PCDHGC3: variants seen among roughly 807,000 people sequenced by gnomAD.
The protein encoded by PCDHGC3 is protocadherin gamma-C3.
PCDHGC3 carries 26 observed loss-of-function variants against 59.2 expected under a neutral mutation model. That is an observed-to-expected ratio of 0.44 (90% CI 0.32 to 0.61). The LOEUF (loss-of-function observed/expected upper bound fraction) is 0.61. Ranked by LOEUF, PCDHGC3 falls within the 20% of genes least tolerant of loss-of-function variation. The pLI is 0.05. For synonymous variants in PCDHGC3, 487 were observed against 519.7 expected (o/e 0.94, Z 0.86); for missense variants, 1,080 against 1,221.8 (o/e 0.88, Z 1.73).
At chr5:141,482,235 T>C (rs2099554999) in intron 1 of PCDHGC3, among the ~76,000 whole-genome samples, 1 of 152,174 alleles carries the variant, frequency 6.6e-6, no homozygotes, top group Non-Finnish European at 1.5e-5. Context: ...AAATTGCCAA[T>C]ATAAGTATAG....
chr5:141,485,118 G>C lies in PCDHGC3; in HGVS notation c.2430+6572G>C, dbSNP rs547390669. 1 of 1,331,536 alleles carries C rather than the reference G, an allele frequency of 7.5e-7. No homozygotes were observed. Among genetic ancestry groups the C allele is most frequent in the East Asian group, 2.3e-5 (1 of 43,534 alleles). The allele number at this position is 1,331,536 out of a possible 1,614,324, so 82.5% of individuals were successfully genotyped here. On this transcript the variant is annotated intron_variant, in intron 1 of 3. Coordinates refer to ENST00000308177, the MANE Select transcript of PCDHGC3 (RefSeq NM_002588.4). The surrounding 1 kb of genome is among the most constrained non-coding windows in gnomAD (Gnocchi z 5.7). ...TCTCCAGCTGCTGTGGCTGTTTGGG[G>C]CGGGTCGGCTTCATCCGCGTCTCAG...
intron 2 of PCDHGC3, among the ~76,000 whole-genome samples, chr5:141,495,175 C>A (rs1337353259): frequency 6.6e-6 from 1 of 152,300 alleles, no homozygotes; most frequent in Middle Eastern, 3.4e-3. Flanking sequence ...TGGGTGAAAG[C>A]GAGGCTTTCT....
In PCDHGC3 at chr5:141,485,251, C is replaced by T. The variant is rs748522322; in HGVS notation, c.2430+6705C>T. 7 of 1,614,092 alleles carry T rather than the reference C, an allele frequency of 4.3e-6. No individual in the cohort carries two copies. In the South Asian group the frequency reaches 6.6e-5, roughly 15 times the overall value. On this transcript the variant is annotated intron_variant, in intron 1 of 3. Transcript: ENST00000308177. This position sits in a 1 kb window ranked among gnomAD's most constrained non-coding sequence, Gnocchi z 5.7. The stretch of plus-strand genomic sequence containing the variant: ...TGTTCCTCTTTTACCACCTGGGTTA[C>T]GTTTGTGGGCAGATCCGCTACCCGG...
At chr5:141,497,904 A>G (rs939422338) in intron 2 of PCDHGC3, among the ~76,000 whole-genome samples, 2 of 152,136 alleles carry the variant, frequency 1.3e-5, no homozygotes, top group African/African-American at 2.4e-5. Context: ...AGTAACTTCA[A>G]CTTCTCTCCT....
chr5:141,488,711 A>G (rs184498001), intron 1 of PCDHGC3, among the ~76,000 whole-genome samples: 100 of 152,290 alleles, frequency 6.6e-4, no homozygotes, highest in Non-Finnish European at 1.2e-3. Context: ...TGCTGGTTCA[A>G]GCAAAGTGGT....
At position 141,487,147 on chromosome 5, in the gene PCDHGC3, T is replaced by C; in HGVS notation, c.2431-7660T>C. 1 of 1,614,122 alleles carries C rather than the reference T, an allele frequency of 6.2e-7. No individual in the cohort carries two copies. Among genetic ancestry groups the C allele is most frequent in the Non-Finnish European group, 8.5e-7 (1 of 1,179,952 alleles). On this transcript the variant is annotated intron_variant, in intron 1 of 3. Transcript: ENST00000308177. This position sits in a 1 kb window ranked among gnomAD's most constrained non-coding sequence, Gnocchi z 5.0. ...GTGGTAGTCCACCACTCTCTACCTC[T>C]GTTACTCTCTTAGTGTCCTTAGAGG...
Position 141,486,657 on chromosome 5 carries a change from T to C in PCDHGC3, c.2430+8111T>C. Reference sequence around the variant, plus strand: ...AATGCGCTTATCTCCTACTCACTCCTGGAGCCCAGGAATCGAGATGTATCA... The same window carrying C: ...AATGCGCTTATCTCCTACTCACTCCCGGAGCCCAGGAATCGAGATGTATCA... On this transcript the variant is annotated intron_variant, in intron 1 of 3. Transcript: ENST00000308177. The surrounding 1 kb of genome is among the most constrained non-coding windows in gnomAD (Gnocchi z 5.0). The C allele has an allele frequency of 6.2e-7, 1 of 1,614,010 alleles. No individual in the cohort carries two copies. Among genetic ancestry groups the C allele is most frequent in the Non-Finnish European group, 8.5e-7 (1 of 1,180,030 alleles).
At chr5:141,484,876 A>C in intron 1 of PCDHGC3, 1 of 315,240 alleles carries the variant, frequency 3.2e-6, no homozygotes, top group Non-Finnish European at 5.8e-6. Flanking sequence ...CGTGGAGGAT[A>C]GGGTGGGCTT....
chr5:141,490,419 G>C lies in PCDHGC3; in HGVS notation c.2431-4388G>C. The C allele has an allele frequency of 6.2e-7, 1 of 1,614,170 alleles. No homozygotes were observed. Among genetic ancestry groups the C allele is most frequent in the Non-Finnish European group, 8.5e-7 (1 of 1,180,020 alleles). ...TGAGCCTTGATATCTCTCCGGACCT[G>C]CCATTTCAGATTAAGCCTTCTGAGA... On this transcript the variant is annotated intron_variant, in intron 1 of 3. Transcript: ENST00000308177. The surrounding 1 kb of genome is among the most constrained non-coding windows in gnomAD (Gnocchi z 5.4).
rs2099748976 is a variant in PCDHGC3, at chr5:141,493,566, C to G, written c.2431-1241C>G. Among the ~76,000 whole-genome samples, 1 of 152,168 alleles carries G rather than the reference C, an allele frequency of 6.6e-6. No individual in the cohort carries two copies. Among genetic ancestry groups the G allele is most frequent in the African/African-American group, 2.4e-5 (1 of 41,436 alleles). ...TTTTGGAGATTGAGTTCCCCCAGCT[C>G]CGTTTCCTCCTATCACAATCACTGC... is the stretch of plus-strand genomic sequence containing the variant. On this transcript the variant is annotated intron_variant, in intron 1 of 3. Transcript: ENST00000308177. The surrounding 1 kb of genome is among the most constrained non-coding windows in gnomAD (Gnocchi z 4.3).
At chr5:141,484,120 C>A (rs1158603108) in intron 1 of PCDHGC3, among the ~76,000 whole-genome samples, 1 of 152,146 alleles carries the variant, frequency 6.6e-6, no homozygotes, top group African/African-American at 2.4e-5. Flanking sequence ...ATCAAGAATA[C>A]CTTGGTGTCA....
chr5:141,491,247 G>A lies in PCDHGC3; in HGVS notation c.2431-3560G>A, dbSNP rs1356752106. ...CAGTGCTGCTGGTTCTGGAGGATGA[G>A]GACCCTGAGGAAATGCCCAAATCCA... On this transcript the variant is annotated intron_variant, in intron 1 of 3. Coordinates refer to ENST00000308177, the MANE Select transcript of PCDHGC3 (RefSeq NM_002588.4). The surrounding 1 kb of genome is among the most constrained non-coding windows in gnomAD (Gnocchi z 6.9). The A allele has an allele frequency of 3.2e-5, 51 of 1,614,192 alleles. No individual in the cohort carries two copies. The highest frequency in any genetic ancestry group is 4.3e-5 in the Non-Finnish European group (51 of 1,180,018).
In PCDHGC3 at chr5:141,512,903, C is replaced by G. The variant is rs2099884492; in HGVS notation, c.*1730C>G. On this transcript the variant is annotated 3_prime_UTR_variant, in exon 4 of 4. Coordinates refer to ENST00000308177, the MANE Select transcript of PCDHGC3 (RefSeq NM_002588.4). ...CCCCACCCTCTTCCTGTGTCTCACG[C>G]AAGTTTTATACTCTAATATTTATAT... 6.6e-6 allele frequency: 1 copy of G among 152,224 alleles called. No homozygotes were observed. Among genetic ancestry groups the G allele is most frequent in the African/African-American group, 2.4e-5 (1 of 41,452 alleles). 9.4% of individuals were successfully genotyped at this position (152,224 alleles called of 1,614,324 possible).
chr5:141,486,170 C>T lies in PCDHGC3; in HGVS notation c.2430+7624C>T, dbSNP rs759946548. The stretch of plus-strand genomic sequence containing the variant: ...TGGGGGTTCTCCAGCCATGGAGCAA[C>T]ATTGCAGCCTTCGAGTGGATCTGCT... On this transcript the variant is annotated intron_variant, in intron 1 of 3. Coordinates refer to ENST00000308177, the MANE Select transcript of PCDHGC3 (RefSeq NM_002588.4). This position sits in a 1 kb window ranked among gnomAD's most constrained non-coding sequence, Gnocchi z 5.0. The T allele has an allele frequency of 1.5e-5, 24 of 1,614,116 alleles. No individual in the cohort carries two copies. Among genetic ancestry groups the T allele is most frequent in the South Asian group, 4.4e-5 (4 of 91,090 alleles).
intron 2 of PCDHGC3, among the ~76,000 whole-genome samples, chr5:141,496,040 AT>A (rs2099765531): frequency 1.3e-5 from 2 of 150,356 alleles, no homozygotes; most frequent in Admixed American, 6.6e-5. Flanking sequence ...TCTGTCTCTC[AT>A]TTTTTTGTGC....
At chr5:141,488,070 C>A (rs777154469) in intron 1 of PCDHGC3, among the ~76,000 whole-genome samples, 3 of 152,076 alleles carry the variant, frequency 2.0e-5, no homozygotes, top group Non-Finnish European at 1.5e-5. Context: ...TCTTTGTCTC[C>A]CAGTATCTAG....
chr5:141,508,550 G>T (rs1440375100), intron 3 of PCDHGC3, among the ~76,000 whole-genome samples: 3 of 152,138 alleles, frequency 2.0e-5, no homozygotes, highest in Non-Finnish European at 1.5e-5. Flanking sequence ...GGTGGGCGGG[G>T]GATGGCTTTG....
chr5:141,506,847 T>C lies in PCDHGC3; in HGVS notation c.2578+1366T>C, dbSNP rs146737657. ...GAACTGATAGCCCTGCCCTCCAGCA[T>C]GTCTGGAGGACTGGTGGGTAGAGAA... On this transcript the variant is annotated intron_variant, in intron 3 of 3. Coordinates refer to ENST00000308177, the MANE Select transcript of PCDHGC3 (RefSeq NM_002588.4). 3.7e-3 allele frequency among the ~76,000 whole-genome samples: 564 copies of C among 152,318 alleles called. 5 individuals are homozygous for C. Among genetic ancestry groups the C allele is most frequent in the Admixed American group, 0.011 (164 of 15,302 alleles).
At chr5:141,494,365 C>A (rs193174055) in intron 1 of PCDHGC3, among the ~76,000 whole-genome samples, 20 of 152,290 alleles carry the variant, frequency 1.3e-4, no homozygotes, top group Non-Finnish European at 2.2e-4. Context: ...GCAGAGGATG[C>A]TTTGTTCCCA....
Sources: gnomAD v4.1 joint callset for allele counts (sites outside exome capture counted in the v4.1 genomes callset) on GRCh38, gnomAD v4.1.1 for gene constraint, Gnocchi (gnomAD v3.1) non-coding constraint, MANE v1.5 for transcripts, NCBI Gene and HGNC (gene_info 2026-07-23, HGNC 2026-07-21) for gene names.